The following HSD17B3 variants were observed in gnomAD, a reference collection of about 807,000 sequenced individuals.
The protein encoded by HSD17B3 is 17-beta-hydroxysteroid dehydrogenase type 3.
HSD17B3 carries 29 observed loss-of-function variants against 41.1 expected under a neutral mutation model. That is an observed-to-expected ratio of 0.71 (90% CI 0.53 to 0.96). The LOEUF (loss-of-function observed/expected upper bound fraction) is 0.96, where lower values mean the gene tolerates loss of function less well. HSD17B3 is among the 40% of genes least tolerant of loss of function. HSD17B3 has a pLI of 0.00. For missense variants in HSD17B3, 323 were observed against 374.6 expected (o/e 0.86, Z 1.14); for synonymous variants, 126 against 145.6 (o/e 0.87, Z 0.97).
intron 2 of HSD17B3, among the ~76,000 whole-genome samples, chr9:96,265,581 A>C (rs530539513): frequency 6.6e-6 from 1 of 152,358 alleles, no homozygotes; most frequent in African/African-American, 2.4e-5. Context: ...TTTAAGATCT[A>C]GCTTTATGGT....
At chr9:96,263,845 A>G (rs1005575695) in intron 2 of HSD17B3, among the ~76,000 whole-genome samples, 3 of 152,182 alleles carry the variant, frequency 2.0e-5, no homozygotes, top group African/African-American at 7.2e-5. Context: ...TCTTTTTTGT[A>G]TCCTTTGATG....
At chr9:96,251,634 G>T in intron 4 of HSD17B3, 149 bp from the exon 5 acceptor site, 1 of 725,284 alleles carries the variant, frequency 1.4e-6, no homozygotes, top group Non-Finnish European at 2.5e-6. Context: ...TTTTTGTCCA[G>T]TAATAGGAGA....
intron 2 of HSD17B3, among the ~76,000 whole-genome samples, chr9:96,275,740 C>A (rs1369283388): frequency 6.6e-6 from 1 of 151,320 alleles, no homozygotes; most frequent in Non-Finnish European, 1.5e-5. Context: ...GAAGAAAAAG[C>A]AATAATCGAT....
chr9:96,242,146 G>T (rs1379237853), intron 9 of HSD17B3, among the ~76,000 whole-genome samples: 4 of 151,936 alleles, frequency 2.6e-5, no homozygotes, highest in Non-Finnish European at 4.4e-5. Flanking sequence ...AAATGAGCAG[G>T]TTCCTATGGA....
intron 2 of HSD17B3, among the ~76,000 whole-genome samples, chr9:96,285,716 A>C (rs1314871042): frequency 1.3e-5 from 2 of 152,148 alleles, no homozygotes; most frequent in Non-Finnish European, 2.9e-5. Context: ...AATGACCCTC[A>C]CAATATTGAT....
chr9:96,279,651 C>G (rs764839047), intron 2 of HSD17B3, among the ~76,000 whole-genome samples: 1 of 152,132 alleles, frequency 6.6e-6, no homozygotes, highest in Non-Finnish European at 1.5e-5. Flanking sequence ...CAACAGAGAG[C>G]TTTGCAGGGC....
At chr9:96,256,039 T>C (rs999801142) in intron 2 of HSD17B3, among the ~76,000 whole-genome samples, 1 of 152,198 alleles carries the variant, frequency 6.6e-6, no homozygotes, top group Non-Finnish European at 1.5e-5. Flanking sequence ...GTTAGAGTTT[T>C]TCCTGAAAGA....
intron 2 of HSD17B3, chr9:96,256,244 G>A (rs1046759681): frequency 6.6e-6 from 1 of 152,160 alleles, no homozygotes; most frequent in African/African-American, 2.4e-5. Context: ...ACAAATTTCT[G>A]TGTCATCCTT....
chr9:96,257,433 G>C (rs911805161), intron 2 of HSD17B3, among the ~76,000 whole-genome samples: 1 of 137,478 alleles, frequency 7.3e-6, no homozygotes, highest in Non-Finnish European at 1.5e-5. Context: ...GTTTGTTGTT[G>C]AGCCTTCTCT....
intron 2 of HSD17B3, among the ~76,000 whole-genome samples, chr9:96,269,172 T>A (rs1826147940): frequency 1.3e-5 from 2 of 152,132 alleles, no homozygotes; most frequent in African/African-American, 2.4e-5. Context: ...CTGTACTGAA[T>A]ATAGTAGGCA....
Position 96,280,878 on chromosome 9 carries a change from C to T in HSD17B3, c.201+17538G>A, listed in dbSNP as rs559763323. ...ATCCTCATTGCTACACTCCCACCAG[C>T]GCCGTGACAGTTTACAAATGCCAGG... On this transcript the variant is annotated intron_variant, in intron 2 of 10. Coordinates refer to ENST00000375263, the MANE Select transcript of HSD17B3 (RefSeq NM_000197.2). 7.2e-5 allele frequency among the ~76,000 whole-genome samples: 11 copies of T among 152,244 alleles called. No individual in the cohort carries two copies. In the South Asian group the frequency reaches 1.2e-3, roughly 17 times the overall value.
At chr9:96,261,410 G>T (rs1208290349) in intron 2 of HSD17B3, among the ~76,000 whole-genome samples, 1 of 152,206 alleles carries the variant, frequency 6.6e-6, no homozygotes, top group Non-Finnish European at 1.5e-5. Flanking sequence ...TTCCAGGCTG[G>T]TCTCTAACTG....
intron 7 of HSD17B3, among the ~76,000 whole-genome samples, chr9:96,245,851 G>A (rs1335495976): frequency 6.6e-6 from 1 of 152,210 alleles, no homozygotes; most frequent in Non-Finnish European, 1.5e-5. Context: ...ATGTCACATG[G>A]TGGAATATTG....
chr9:96,290,552 C>T (rs1370648703), intron 2 of HSD17B3, among the ~76,000 whole-genome samples: 6 of 142,450 alleles, frequency 4.2e-5, no homozygotes, highest in East Asian at 2.2e-4. Flanking sequence ...TAAAAAGTCT[C>T]GCTGGGCACA....
At chr9:96,282,932 G>A (rs937883019) in intron 2 of HSD17B3, among the ~76,000 whole-genome samples, 2 of 144,514 alleles carry the variant, frequency 1.4e-5, no homozygotes, top group African/African-American at 5.1e-5. Flanking sequence ...AATAAGAGAA[G>A]TATTTTATTC....
chr9:96,251,053 G>T, intron 5 of HSD17B3: 1 of 253,272 alleles, frequency 3.9e-6, no homozygotes, highest in Non-Finnish European at 7.7e-6. Context: ...TAGTACCTGG[G>T]AAGACAGAGA....
chr9:96,240,711 C>A (rs34410351), intron 10 of HSD17B3, 47 bp downstream of exon 10: 1 of 1,605,344 alleles, frequency 6.2e-7, no homozygotes, highest in South Asian at 1.1e-5. Context: ...GGGCCACCTG[C>A]GTGTCCTCCC....
At chr9:96,241,151 T>G (rs1836425697) in intron 9 of HSD17B3, among the ~76,000 whole-genome samples, 1 of 152,086 alleles carries the variant, frequency 6.6e-6, no homozygotes, top group African/African-American at 2.4e-5. Context: ...CAACACACAG[T>G]GTGAATGGGA....
chr9:96,244,290 C>G (rs1221639671), intron 9 of HSD17B3, 39 bp downstream of exon 9: 1 of 1,606,000 alleles, frequency 6.2e-7, no homozygotes, highest in Non-Finnish European at 8.5e-7. Context: ...GCCCACCTCA[C>G]CTGGATGATG....
Sources: gnomAD v4.1 joint callset for allele counts (sites outside exome capture counted in the v4.1 genomes callset) on GRCh38, gnomAD v4.1.1 for gene constraint, MANE v1.5 for transcripts, NCBI Gene and HGNC (gene_info 2026-07-23, HGNC 2026-07-21) for gene names.